SHC4: variants seen among roughly 807,000 people sequenced by gnomAD.
SHC4 encodes the protein SHC adaptor protein 4.
In SHC4, 41 loss-of-function variants were observed where a neutral mutation model predicts 69.4. The ratio of observed to expected loss-of-function variants is 0.59; its 90% CI spans 0.46 to 0.77. The LOEUF (loss-of-function observed/expected upper bound fraction) is 0.77. Among genes scored for constraint, SHC4 ranks in the 30% least tolerant of loss-of-function variants. SHC4 has a pLI of 0.00. For synonymous variants in SHC4, 318 were observed against 299.3 expected, an observed-to-expected ratio of 1.06 and a Z score of -0.64; for missense variants, 777 against 783.8, an observed-to-expected ratio of 0.99 and a Z score of 0.10.
chr15:48,876,282 G>A (rs957895608), intron 4 of SHC4, among the ~76,000 whole-genome samples: 10 of 152,130 alleles, frequency 6.6e-5, no homozygotes, highest in African/African-American at 2.4e-4. Context: ...TGGGATTTCT[G>A]ACATTTCAAA....
chr15:48,958,691 G>A (rs376013947), intron 1 of SHC4, among the ~76,000 whole-genome samples: 32 of 152,300 alleles, frequency 2.1e-4, no homozygotes, highest in African/African-American at 6.0e-4. Flanking sequence ...ACACTGTCAC[G>A]TTGTAGATTT....
intron 1 of SHC4, among the ~76,000 whole-genome samples, chr15:48,954,724 T>C (rs1450621025): frequency 6.6e-6 from 1 of 152,244 alleles, no homozygotes; most frequent in South Asian, 2.1e-4. Flanking sequence ...GCCAAAGGAA[T>C]GTGGGGAAAT....
At chr15:48,870,477 T>C (rs562709528) in intron 5 of SHC4, among the ~76,000 whole-genome samples, 3 of 152,308 alleles carry the variant, frequency 2.0e-5, no homozygotes, top group African/African-American at 4.8e-5. Context: ...ATGGAACTAA[T>C]ATATAATAGT....
chr15:48,851,290 C>T (rs769820139), intron 8 of SHC4, 42 bp from the exon 9 acceptor site: 27 of 1,596,570 alleles, frequency 1.7e-5, no homozygotes, highest in Middle Eastern at 3.3e-4. Flanking sequence ...AAACATAGTA[C>T]ACATTCATAA....
rs780785217 is a variant in SHC4, at chr15:48,856,031, AAC to A, written c.1162_1163del (p.Val388PhefsTer21). The A allele has an allele frequency of 2.5e-6, 4 of 1,614,040 alleles. No homozygotes were observed. The highest frequency in any genetic ancestry group is 3.4e-6 in the Non-Finnish European group (4 of 1,179,906). ...IPGKQPPVGG[V>X]SDMRIKVQAT... ...CTTGAACTTTGATCCGCATATCTGA[AAC>A]ACCACCTACTGGTGGCTGCTTCCCT... On this transcript the variant is annotated frameshift_variant, in exon 8 of 12. Transcript: ENST00000332408. LOFTEE classifies it high-confidence loss of function.
At chr15:48,836,670 T>A (rs1383524054) in intron 10 of SHC4, among the ~76,000 whole-genome samples, 1 of 152,172 alleles carries the variant, frequency 6.6e-6, no homozygotes, top group Non-Finnish European at 1.5e-5. Context: ...AGAAATTATC[T>A]TGACTATGAG....
intron 4 of SHC4, chr15:48,877,931 T>C (rs534172575): frequency 4.4e-6 from 2 of 456,846 alleles, no homozygotes; most frequent in East Asian, 3.4e-5. Flanking sequence ...CGCTCTTGCA[T>C]GCAGGGTCCC....
At chr15:48,954,471 G>A (rs1777313068) in intron 1 of SHC4, among the ~76,000 whole-genome samples, 1 of 152,226 alleles carries the variant, frequency 6.6e-6, no homozygotes, top group Non-Finnish European at 1.5e-5. Context: ...ATTTTTAACT[G>A]ATACAGGTGG....
chr15:48,888,773 C>T lies in SHC4; in HGVS notation c.720+1975G>A, dbSNP rs146728641. ...AGCCAGGCATGGTGGCACATGATTG[C>T]AATCCCAGATACTCGGGAGGCTGAG... On this transcript the variant is annotated intron_variant, in intron 3 of 11. Transcript: ENST00000332408. Among the ~76,000 whole-genome samples the T allele has an allele frequency of 1.5e-3, 230 of 150,052 alleles. 3 individuals carry two copies. Among genetic ancestry groups the T allele is most frequent in the South Asian group, 9.0e-3 (43 of 4,760 alleles).
chr15:48,862,265 G>A (rs1381644684), intron 6 of SHC4, among the ~76,000 whole-genome samples: 1 of 151,658 alleles, frequency 6.6e-6, no homozygotes, highest in Admixed American at 6.6e-5. Context: ...AGTCCAAGCA[G>A]TCCAGTCCTA....
intron 10 of SHC4, among the ~76,000 whole-genome samples, chr15:48,835,587 T>C (rs1898883563): frequency 6.6e-6 from 1 of 152,186 alleles, no homozygotes; most frequent in South Asian, 2.1e-4. Context: ...TACTTTGTTG[T>C]TTGTGTCATT....
At chr15:48,840,370 C>T (rs1898969201) in intron 10 of SHC4, among the ~76,000 whole-genome samples, 1 of 152,096 alleles carries the variant, frequency 6.6e-6, no homozygotes, top group South Asian at 2.1e-4. Context: ...TGTGTCAGAA[C>T]TTTTTTCTGT....
chr15:48,854,925 T>C (rs1324675560), intron 8 of SHC4, among the ~76,000 whole-genome samples: 1 of 152,168 alleles, frequency 6.6e-6, no homozygotes, highest in Non-Finnish European at 1.5e-5. Context: ...ATGCGATATG[T>C]TGATGTAACA....
At chr15:48,949,963 A>G (rs1157064129) in intron 1 of SHC4, among the ~76,000 whole-genome samples, 2 of 143,160 alleles carry the variant, frequency 1.4e-5, no homozygotes, top group Non-Finnish European at 3.0e-5. Context: ...TAATTTTAAC[A>G]TATGAAATAT....
intron 1 of SHC4, among the ~76,000 whole-genome samples, chr15:48,959,849 A>G (rs1287221170): frequency 6.6e-6 from 1 of 152,222 alleles, no homozygotes. Flanking sequence ...CCTGTGGTGA[A>G]GACAGATAAG....
At chr15:48,930,603 C>CTCCA (rs1900944723) in intron 1 of SHC4, among the ~76,000 whole-genome samples, 1 of 152,178 alleles carries the variant, frequency 6.6e-6, no homozygotes, top group Non-Finnish European at 1.5e-5. Context: ...TGCCATTGCA[C>CTCCA]TCCAGCCTGG....
chr15:48,921,134 C>T (rs1054114273), intron 2 of SHC4, among the ~76,000 whole-genome samples: 12 of 152,066 alleles, frequency 7.9e-5, no homozygotes, highest in African/African-American at 2.7e-4. Context: ...GCCTTAAAAA[C>T]GAATGAAATT....
chr15:48,887,166 T>A (rs1324769323), intron 3 of SHC4, among the ~76,000 whole-genome samples: 1 of 152,212 alleles, frequency 6.6e-6, no homozygotes, highest in Middle Eastern at 3.2e-3. Flanking sequence ...TCCAAACTGC[T>A]AATGATGCAG....
intron 10 of SHC4, among the ~76,000 whole-genome samples, chr15:48,842,317 C>A (rs926833305): frequency 1.3e-5 from 2 of 152,114 alleles, no homozygotes; most frequent in African/African-American, 4.8e-5. Flanking sequence ...TTAATGCTAT[C>A]CCTAACAGAA....
Sources: allele counts gnomAD v4.1 joint callset (sites outside exome capture counted in the v4.1 genomes callset), GRCh38; gene constraint gnomAD v4.1.1; transcripts MANE v1.5; gene names NCBI Gene and HGNC (gene_info 2026-07-23, HGNC 2026-07-21).